Variants in IQCE observed in about 807,000 individuals in gnomAD.
IQCE encodes the protein IQ domain-containing protein E.
A neutral mutation model predicts 96.0 loss-of-function variants in IQCE; 115 were observed. The ratio of observed to expected loss-of-function variants is 1.20; its 90% CI spans 1.03 to 1.40. The LOEUF (loss-of-function observed/expected upper bound fraction) is 1.40, where lower values mean the gene tolerates loss of function less well. Ranked by LOEUF, IQCE falls within the 40% of genes most tolerant of loss-of-function variation. The pLI is 0.00. For synonymous variants in IQCE, 412 were observed against 371.2 expected (o/e 1.11, Z -1.26); for missense variants, 1,041 against 909.1 (o/e 1.15, Z -1.87).
chr7:2,573,324 A>C, intron 5 of IQCE, 94 bp from the exon 6 acceptor site: 3 of 681,012 alleles, frequency 4.4e-6, no homozygotes, highest in Non-Finnish European at 5.2e-6. Context: ...TTAAAAGGAA[A>C]TGTTACTAAC....
chr7:2,583,464 C>T (rs933001170), intron 9 of IQCE, among the ~76,000 whole-genome samples, 173 bp from the exon 10 acceptor site: 7 of 152,032 alleles, frequency 4.6e-5, no homozygotes, highest in Non-Finnish European at 7.4e-5. Context: ...AGGCTCGAAA[C>T]GAGTCACTTG....
intron 1 of IQCE, 21 bp downstream of exon 1, chr7:2,559,238 G>C: frequency 8.3e-7 from 1 of 1,208,608 alleles, no homozygotes; most frequent in Non-Finnish European, 1.0e-6. Context: ...GCGAGGGGGC[G>C]ACGCCGGGCG....
chr7:2,565,095 T>C (rs1460794461), intron 1 of IQCE, among the ~76,000 whole-genome samples: 7 of 149,608 alleles, frequency 4.7e-5, no homozygotes, highest in Non-Finnish European at 8.8e-5. Context: ...TGCGTGTGTG[T>C]GCGTGTGTGT....
chr7:2,578,119 C>T lies in IQCE; in HGVS notation c.466-123C>T, dbSNP rs1408801573. On this transcript the variant is annotated intron_variant, in intron 6 of 21. Transcript: ENST00000402050. ...GCGCAGTGGCGTGTGCGTGGCTGTG[C>T]GCGTGGGGACGTGTGTGCGGCGTGC... 2.2e-4 allele frequency: 149 copies of T among 686,084 alleles called. No homozygotes were observed. In the African/African-American group the frequency reaches 2.4e-3, roughly 11 times the overall value. The allele number at this position is 686,084 out of a possible 1,614,324, so 42.5% of individuals were successfully genotyped here.
chr7:2,586,947 C>T (rs1191467445), intron 12 of IQCE, among the ~76,000 whole-genome samples: 2 of 152,116 alleles, frequency 1.3e-5, no homozygotes, highest in African/African-American at 4.8e-5. Flanking sequence ...CGTGCTGCTT[C>T]CCGAGGCCCC....
intron 8 of IQCE, among the ~76,000 whole-genome samples, chr7:2,580,771 G>T (rs981201258): frequency 6.6e-6 from 1 of 152,172 alleles, no homozygotes; most frequent in African/African-American, 2.4e-5. Flanking sequence ...GCAGAGCCCC[G>T]TTTCTGTGAG....
chr7:2,566,752 C>G (rs1242442470), intron 1 of IQCE: 1 of 261,328 alleles, frequency 3.8e-6, no homozygotes, highest in East Asian at 9.4e-5. Context: ...ATTCGTTGTG[C>G]TTTGATGTAA....
chr7:2,600,660 A>C (rs1356675080), intron 17 of IQCE, among the ~76,000 whole-genome samples: 1 of 152,128 alleles, frequency 6.6e-6, no homozygotes, highest in Non-Finnish European at 1.5e-5. Context: ...CTTTGCTTCC[A>C]TCGTATATTC....
chr7:2,570,649 T>G (rs1213153110), intron 3 of IQCE, among the ~76,000 whole-genome samples: 1 of 152,214 alleles, frequency 6.6e-6, no homozygotes, highest in African/African-American at 2.4e-5. Context: ...TTTTGCAATT[T>G]AAGATATATA....
intron 11 of IQCE, among the ~76,000 whole-genome samples, chr7:2,585,279 C>G (rs1783010074): frequency 6.6e-6 from 1 of 152,162 alleles, no homozygotes; most frequent in Non-Finnish European, 1.5e-5. Flanking sequence ...CTCAGGTGAT[C>G]CGCCTGCCTC....
rs1299964327 is a variant in IQCE, at chr7:2,611,124, T to TGGGCCGGGCCGGGCC, written c.*966_*967insCGGGCCGGGCCGGGC. 48 of 87,496 alleles carry TGGGCCGGGCCGGGCC rather than the reference T, an allele frequency of 5.5e-4. No individual in the cohort carries two copies. Among genetic ancestry groups the TGGGCCGGGCCGGGCC allele is most frequent in the African/African-American group, 2.3e-3 (48 of 21,042 alleles). The allele number at this position is 87,496 out of a possible 1,614,324, so 5.4% of individuals were successfully genotyped here. A position where few individuals can be genotyped will look rare whatever the true frequency, so the allele number is the denominator to read the frequency against. On this transcript the variant is annotated 3_prime_UTR_variant, in exon 22 of 22. Transcript: ENST00000402050. Reference sequence around the variant, plus strand: ...CCCAAGCTCCATGGCTGGGCTGGGCTGGGCTGGGCTGGGCTGGGCCGGGCG... The same window carrying TGGGCCGGGCCGGGCC: ...CCCAAGCTCCATGGCTGGGCTGGGCTGGGCCGGGCCGGGCCGGGCTGGGCTGGGCTGGGCCGGGCG...
intron 16 of IQCE, chr7:2,597,189 G>C (rs991499181): frequency 2.4e-5 from 11 of 462,840 alleles, no homozygotes; most frequent in East Asian, 1.4e-4. Context: ...AATTTCAGCA[G>C]GATCTGGGCC....
chr7:2,604,926 A>T lies in IQCE; in HGVS notation c.1678A>T (p.Thr560Ser). The T allele has an allele frequency of 6.2e-7, 1 of 1,613,762 alleles. No individual in the cohort carries two copies. The highest frequency in any genetic ancestry group is 8.5e-7 in the Non-Finnish European group (1 of 1,179,984). Residue 560 changes from threonine to serine, a missense_variant, in exon 19 of 22, where the codon ACA becomes TCA. Thr to Ser is a moderately conservative substitution (Grantham distance 58, BLOSUM62 1). Transcript: ENST00000402050. ...AGCTTTCAGGGGACATCTCACGCGGACAAAGCTCTTAGCAAGCAAAGCACA... is the reference window on the plus strand; with the variant it reads ...AGCTTTCAGGGGACATCTCACGCGGTCAAAGCTCTTAGCAAGCAAAGCACA... The part of the protein sequence containing the change: ...QAAFRGHLTR[T>S]KLLASKAHGS...
At chr7:2,592,646 G>T (rs1783693686) in intron 14 of IQCE, among the ~76,000 whole-genome samples, 1 of 152,248 alleles carries the variant, frequency 6.6e-6, no homozygotes, top group African/African-American at 2.4e-5. Flanking sequence ...CAGTGCCACG[G>T]TCTAGGCGGG....
At chr7:2,572,168 T>A in intron 4 of IQCE, 24 bp from the exon 5 acceptor site, 1 of 1,604,250 alleles carries the variant, frequency 6.2e-7, no homozygotes, top group Non-Finnish European at 8.5e-7. Flanking sequence ...TCTGTCATAT[T>A]AAACCCATGC....
At chr7:2,608,065 C>T (rs539403540) in intron 21 of IQCE, among the ~76,000 whole-genome samples, 1 of 152,308 alleles carries the variant, frequency 6.6e-6, no homozygotes, top group South Asian at 2.1e-4. Flanking sequence ...GGAAGAGGCT[C>T]TTCTGAGCCC....
At chr7:2,565,235 GTGCGTGTGTGTGTGTGCA>G (rs1443541655) in intron 1 of IQCE, among the ~76,000 whole-genome samples, 8 of 149,498 alleles carry the variant, frequency 5.4e-5, no homozygotes, top group South Asian at 2.1e-4. Context: ...ATGAGTGTGT[GTGCGTGTGTGTGTGTGCA>G]TGCGTGTGTG....
At chr7:2,570,264 G>C (rs142564948) in intron 3 of IQCE, among the ~76,000 whole-genome samples, 24 of 152,098 alleles carry the variant, frequency 1.6e-4, no homozygotes, top group African/African-American at 3.9e-4. Flanking sequence ...CCACCACCCT[G>C]TCTCCGTCCT....
At chr7:2,594,405 A>G (rs889725320) in intron 15 of IQCE, among the ~76,000 whole-genome samples, 5 of 152,218 alleles carry the variant, frequency 3.3e-5, no homozygotes, top group African/African-American at 9.6e-5. Flanking sequence ...TGGAATGAAT[A>G]TCTAAATTGC....
Sources: allele counts gnomAD v4.1 joint callset (sites outside exome capture counted in the v4.1 genomes callset), GRCh38; gene constraint gnomAD v4.1.1; transcripts MANE v1.5; gene names NCBI Gene and HGNC (gene_info 2026-07-23, HGNC 2026-07-21).